TBC1D8: variants seen among roughly 807,000 people sequenced by gnomAD.
TBC1D8 encodes the protein TBC1 domain family member 8.
A neutral mutation model predicts 118.8 loss-of-function variants in TBC1D8; 65 were observed. That is an observed-to-expected ratio of 0.55 (90% CI 0.45 to 0.67). The LOEUF is 0.67. Ranked by LOEUF, TBC1D8 falls within the 30% of genes least tolerant of loss-of-function variation. TBC1D8 has a pLI of 0.00. For synonymous variants in TBC1D8, 566 were observed against 595.8 expected (o/e 0.95, Z 0.73); for missense variants, 1,376 against 1,471.2 (o/e 0.94, Z 1.06).
chr2:101,146,548 T>G (rs1008692522), intron 1 of TBC1D8, among the ~76,000 whole-genome samples: 1 of 152,220 alleles, frequency 6.6e-6, no homozygotes, highest in African/African-American at 2.4e-5. Flanking sequence ...GGTGGTGATA[T>G]TTGTTATTTA....
chr2:101,037,164 G>A (rs1371528484), intron 8 of TBC1D8, among the ~76,000 whole-genome samples: 3 of 152,152 alleles, frequency 2.0e-5, no homozygotes, highest in African/African-American at 7.2e-5. Flanking sequence ...GAAGACTGGT[G>A]ACCTCTTCTC....
intron 3 of TBC1D8, among the ~76,000 whole-genome samples, chr2:101,055,936 T>C (rs1171230380): frequency 6.6e-6 from 1 of 151,994 alleles, no homozygotes; most frequent in African/African-American, 2.4e-5. Context: ...ATGGCAACTG[T>C]GAACAGCCAC....
At chr2:101,120,823 C>A (rs554368810) in intron 1 of TBC1D8, among the ~76,000 whole-genome samples, 35 of 152,146 alleles carry the variant, frequency 2.3e-4, no homozygotes, top group Non-Finnish European at 4.3e-4. Flanking sequence ...GGACATAAGG[C>A]CATTAGAAAG....
intron 5 of TBC1D8, among the ~76,000 whole-genome samples, chr2:101,043,425 A>ACTCC (rs1290199719): frequency 6.6e-6 from 1 of 151,894 alleles, no homozygotes; most frequent in Non-Finnish European, 1.5e-5. Flanking sequence ...ATCAACCCTT[A>ACTCC]CTCCCTGCAC....
intron 2 of TBC1D8, among the ~76,000 whole-genome samples, chr2:101,075,915 C>T (rs1277281232): frequency 6.6e-6 from 1 of 152,088 alleles, no homozygotes; most frequent in African/African-American, 2.4e-5. Context: ...CTGTATAATT[C>T]TTTCAACGTT....
At chr2:101,028,213 C>T (rs917946620) in intron 13 of TBC1D8, 67 bp from the exon 14 acceptor site, 1 of 1,602,152 alleles carries the variant, frequency 6.2e-7, no homozygotes, top group African/African-American at 1.3e-5. Flanking sequence ...CAGGAAGTGG[C>T]CCAGGAACCT....
chr2:101,141,445 T>A (rs765488411), intron 1 of TBC1D8, among the ~76,000 whole-genome samples: 9 of 152,166 alleles, frequency 5.9e-5, no homozygotes, highest in Non-Finnish European at 1.2e-4. Context: ...TCCTAGAAGT[T>A]GTCCTGCAGC....
chr2:101,048,074 A>G (rs1445293553), intron 5 of TBC1D8, among the ~76,000 whole-genome samples: 3 of 152,132 alleles, frequency 2.0e-5, no homozygotes, highest in African/African-American at 4.8e-5. Context: ...TCCTGCAACT[A>G]CACGGTTGCA....
At chr2:101,024,402 AT>A (rs34272976) in intron 15 of TBC1D8, among the ~76,000 whole-genome samples, 40 of 121,126 alleles carry the variant, frequency 3.3e-4, no homozygotes, top group South Asian at 1.6e-3. Flanking sequence ...TGGGACTGTA[AT>A]TTTTTTTTTT....
chr2:101,008,191 G>T lies in TBC1D8; in HGVS notation c.3098C>A (p.Ala1033Asp). 1 of 1,612,894 alleles carries T rather than the reference G, an allele frequency of 6.2e-7. No homozygotes were observed. The highest frequency in any genetic ancestry group is 8.5e-7 in the Non-Finnish European group (1 of 1,179,422). The change falls in exon 20 of 20, where the codon GCC (alanine) becomes GAC (aspartate). Residue 1033 changes from alanine (A) to aspartate (D), a missense_variant. Coordinates refer to ENST00000409318, the MANE Select transcript of TBC1D8 (RefSeq NM_001330348.2). ...CTGCAGCAGCAGTGTGGTGACTGTG[G>T]CGATGGCTTGATACAAATCATTTTC... ...PEENDLYQAIATVTTLLLQIG... is the reference protein window; with the variant it reads ...PEENDLYQAIDTVTTLLLQIG...
intron 17 of TBC1D8, among the ~76,000 whole-genome samples, chr2:101,011,889 C>A (rs1197739927): frequency 6.6e-6 from 1 of 152,142 alleles, no homozygotes; most frequent in Non-Finnish European, 1.5e-5. Context: ...ACATAAAGTA[C>A]TCTAGAAATA....
intron 1 of TBC1D8, among the ~76,000 whole-genome samples, chr2:101,144,329 G>C (rs1002482450): frequency 5.3e-5 from 8 of 152,110 alleles, no homozygotes; most frequent in Admixed American, 6.5e-5. Context: ...GGAAGGGTCA[G>C]GTACATCTCC....
chr2:101,051,747 A>T (rs1226491853), intron 4 of TBC1D8, among the ~76,000 whole-genome samples: 1 of 152,220 alleles, frequency 6.6e-6, no homozygotes, highest in Non-Finnish European at 1.5e-5. Context: ...TGCAAATTAA[A>T]CCCATAATGA....
intron 2 of TBC1D8, among the ~76,000 whole-genome samples, chr2:101,082,638 T>C (rs1035073039): frequency 6.6e-6 from 1 of 152,186 alleles, no homozygotes; most frequent in Non-Finnish European, 1.5e-5. Flanking sequence ...GCGGGACACT[T>C]GAAGATAGGA....
chr2:101,142,555 C>T (rs1017727371), intron 1 of TBC1D8, among the ~76,000 whole-genome samples: 5 of 152,092 alleles, frequency 3.3e-5, no homozygotes, highest in East Asian at 1.9e-4. Flanking sequence ...TACATTCACT[C>T]AATGGATTAC....
intron 2 of TBC1D8, among the ~76,000 whole-genome samples, chr2:101,062,113 G>A (rs964489723): frequency 4.6e-5 from 7 of 152,280 alleles, no homozygotes; most frequent in Middle Eastern, 3.4e-3. Flanking sequence ...GAACACCCTC[G>A]TCTAAATCCA....
chr2:101,075,674 TG>T (rs1674766702), intron 2 of TBC1D8, among the ~76,000 whole-genome samples: 1 of 152,332 alleles, frequency 6.6e-6, no homozygotes, highest in South Asian at 2.1e-4. Context: ...TTGCACCTTC[TG>T]CCATGATTGT....
intron 1 of TBC1D8, among the ~76,000 whole-genome samples, chr2:101,129,497 A>T (rs557412081): frequency 1.3e-5 from 2 of 152,262 alleles, no homozygotes; most frequent in African/African-American, 4.8e-5. Context: ...ACAAACAAGC[A>T]TTTCAACAGT....
intron 2 of TBC1D8, among the ~76,000 whole-genome samples, chr2:101,083,094 T>C (rs1675371171): frequency 6.6e-6 from 1 of 152,110 alleles, no homozygotes; most frequent in African/African-American, 2.4e-5. Flanking sequence ...AGGAGTTTCA[T>C]CTGTAACTGC....
Sources: allele counts gnomAD v4.1 joint callset (sites outside exome capture counted in the v4.1 genomes callset), GRCh38; gene constraint gnomAD v4.1.1; transcripts MANE v1.5; gene names NCBI Gene and HGNC (gene_info 2026-07-23, HGNC 2026-07-21).